Variants in PCDHA3 observed in about 807,000 individuals in gnomAD.
PCDHA3 encodes the protein protocadherin alpha-3.
A neutral mutation model predicts 62.2 loss-of-function variants in PCDHA3; 41 were observed. The observed-to-expected ratio is 0.66, with a 90% confidence interval of 0.51 to 0.86. The LOEUF (loss-of-function observed/expected upper bound fraction) is 0.86. PCDHA3 is among the 40% of genes least tolerant of loss of function. PCDHA3 has a pLI of 0.00. For missense variants in PCDHA3, 1,304 were observed against 1,241.2 expected (o/e 1.05, Z -0.76); for synonymous variants, 640 against 555.4 (o/e 1.15, Z -2.14).
chr5:140,842,142 A>G (rs2150330261), intron 1 of PCDHA3: 7 of 1,613,746 alleles, frequency 4.3e-6, no homozygotes, highest in Middle Eastern at 1.6e-4. Context: ...GAAGGAGCCA[A>G]TGGGGCAATT....
chr5:140,842,954 C>G, intron 1 of PCDHA3: 2 of 1,594,948 alleles, frequency 1.3e-6, no homozygotes. Flanking sequence ...CGTGCCGCCT[C>G]TGGGCAGCAA....
At chr5:140,969,519 G>T in intron 1 of PCDHA3, 2 of 1,406,074 alleles carry the variant, frequency 1.4e-6, no homozygotes, top group Admixed American at 2.8e-5. Context: ...CTAAAGAATT[G>T]TTTTATTTTT....
chr5:140,877,054 C>T (rs1226224209), intron 1 of PCDHA3: 3 of 1,612,658 alleles, frequency 1.9e-6, no homozygotes, highest in African/African-American at 2.7e-5. Flanking sequence ...CCACGAGGAG[C>T]TGGAGCTGCT....
chr5:140,877,707 G>A, intron 1 of PCDHA3: 2 of 1,614,062 alleles, frequency 1.2e-6, no homozygotes, highest in Non-Finnish European at 1.7e-6. Flanking sequence ...CCAGCGCCGT[G>A]GGGAGTTGGT....
At chr5:140,856,784 T>A in intron 1 of PCDHA3, 1 of 1,596,522 alleles carries the variant, frequency 6.3e-7, no homozygotes. Flanking sequence ...CAGACCGGTT[T>A]ATGAAGTTAA....
intron 1 of PCDHA3, chr5:140,871,118 G>C (rs1554165149): frequency 6.2e-7 from 1 of 1,613,306 alleles, no homozygotes; most frequent in East Asian, 2.2e-5. Flanking sequence ...GTGGAGAGCG[G>C]ACAGGCGCCA....
chr5:140,834,156 TA>T, intron 1 of PCDHA3: 1 of 537,442 alleles, frequency 1.9e-6, no homozygotes, highest in East Asian at 3.0e-5. Flanking sequence ...TAATGGTTTG[TA>T]ATTCTTACTT....
intron 1 of PCDHA3, among the ~76,000 whole-genome samples, chr5:140,971,548 C>T (rs558563294): frequency 6.6e-6 from 1 of 152,246 alleles, no homozygotes; most frequent in African/African-American, 2.4e-5. Context: ...CCAGATCAAC[C>T]TGTTAAATTC....
intron 1 of PCDHA3, among the ~76,000 whole-genome samples, chr5:140,855,336 A>AT (rs1438851451): frequency 6.7e-6 from 1 of 149,788 alleles, no homozygotes; most frequent in Non-Finnish European, 1.5e-5. Context: ...AGGTTAAACG[A>AT]TTTTCCCAAG....
intron 1 of PCDHA3, among the ~76,000 whole-genome samples, chr5:140,917,700 T>C (rs879971168): frequency 2.0e-5 from 3 of 152,166 alleles, no homozygotes; most frequent in Non-Finnish European, 4.4e-5. Flanking sequence ...GATCAGATAA[T>C]TGTAGGTGTG....
intron 1 of PCDHA3, chr5:140,836,350 A>T (rs1454301862): frequency 3.1e-6 from 5 of 1,613,518 alleles, no homozygotes; most frequent in Non-Finnish European, 4.2e-6. Flanking sequence ...GACCACGGGG[A>T]GCCCTCGCTG....
intron 1 of PCDHA3, among the ~76,000 whole-genome samples, chr5:140,957,031 TG>T (rs1436652232): frequency 6.6e-6 from 1 of 152,182 alleles, no homozygotes; most frequent in Non-Finnish European, 1.5e-5. Flanking sequence ...TAGATATTTA[TG>T]GGAGTCATAT....
rs926604630 is a variant in PCDHA3 at position 140,857,768 on chromosome 5, G to C, written c.2394+54177G>C. ...GGCGTCTCCCGCTGGCAGCGCGGGC[G>C]GTGCAGTCAGTGAGCTGGTGCTGCG... On this transcript the variant is annotated intron_variant, in intron 1 of 3. Transcript: ENST00000522353. 6 of 1,597,542 alleles carry C rather than the reference G, an allele frequency of 3.8e-6. 2 individuals carry two copies. In the South Asian group the frequency reaches 5.5e-5, roughly 15 times the overall value.
At chr5:140,861,557 G>A in intron 1 of PCDHA3, 1 of 398,292 alleles carries the variant, frequency 2.5e-6, no homozygotes, top group Non-Finnish European at 5.2e-6. Context: ...AAGTGATCGT[G>A]GACAAGCTGC....
intron 1 of PCDHA3, among the ~76,000 whole-genome samples, chr5:140,920,124 G>A (rs1261931835): frequency 2.6e-5 from 4 of 152,152 alleles, no homozygotes; most frequent in African/African-American, 4.8e-5. Flanking sequence ...AACATCTTGA[G>A]TTTTAATTCT....
At chr5:140,977,104 A>C (rs2096746104) in intron 1 of PCDHA3, among the ~76,000 whole-genome samples, 1 of 152,242 alleles carries the variant, frequency 6.6e-6, no homozygotes, top group Admixed American at 6.5e-5. Flanking sequence ...TGGGGAAGTG[A>C]GATTGTATAA....
chr5:140,827,993 G>A (rs1554130961), intron 1 of PCDHA3: 2 of 1,474,758 alleles, frequency 1.4e-6, no homozygotes, highest in Non-Finnish European at 1.8e-6. Flanking sequence ...TTGAATGATG[G>A]CGGACGCAGA....
chr5:140,923,183 C>G (rs2081208346), intron 1 of PCDHA3, among the ~76,000 whole-genome samples: 2 of 152,206 alleles, frequency 1.3e-5, no homozygotes, highest in South Asian at 4.1e-4. Context: ...TCAGATGCAT[C>G]TACTGCAGCA....
intron 1 of PCDHA3, among the ~76,000 whole-genome samples, chr5:140,912,634 G>A (rs1435924500): frequency 6.6e-6 from 1 of 152,016 alleles, no homozygotes; most frequent in African/African-American, 2.4e-5. Context: ...GAGACTTTCA[G>A]TACTATGTTG....
Sources: allele counts gnomAD v4.1 joint callset (sites outside exome capture counted in the v4.1 genomes callset), GRCh38; gene constraint gnomAD v4.1.1; transcripts MANE v1.5; gene names NCBI Gene and HGNC (gene_info 2026-07-23, HGNC 2026-07-21).